Variants in TTLL7 observed in about 807,000 individuals in gnomAD.
TTLL7 encodes the protein tubulin tyrosine ligase like 7, also known as tubulin polyglutamylase TTLL7.
In TTLL7, 53 loss-of-function variants were observed where a neutral mutation model predicts 120.2. The observed-to-expected ratio is 0.44, with a 90% CI of 0.35 to 0.55. The LOEUF is 0.55. Among genes scored for constraint, TTLL7 ranks in the 20% least tolerant of loss-of-function variants. The pLI, the probability that TTLL7 is intolerant of heterozygous loss-of-function variation, is 0.00. For missense variants in TTLL7, 803 were observed against 1,054.7 expected (o/e 0.76, Z 3.31); for synonymous variants, 353 against 351.7 (o/e 1.00, Z -0.04).
chr1:83,945,518 T>C (rs1159943804), intron 6 of TTLL7, among the ~76,000 whole-genome samples: 1 of 152,196 alleles, frequency 6.6e-6, no homozygotes, highest in Non-Finnish European at 1.5e-5. Flanking sequence ...AGTTGGGTTC[T>C]TCAATAGTCC....
Position 83,870,070 on chromosome 1 carries a change from TG to T in TTLL7, c.2555del (p.Pro852GlnfsTer8). 1 of 1,556,812 alleles carries T rather than the reference TG, an allele frequency of 6.4e-7. No individual in the cohort carries two copies. Among genetic ancestry groups the T allele is most frequent in the Non-Finnish European group, 8.6e-7 (1 of 1,160,332 alleles). On this transcript the variant is annotated frameshift_variant, in exon 21 of 21. Coordinates refer to ENST00000260505, the MANE Select transcript of TTLL7 (RefSeq NM_024686.6). LOFTEE classifies it high-confidence loss of function. ...TTCTCAAGAAGAATTGGGTGCTCCC[TG>T]GTAGTAAATACCTAAAAATGATGGT... ...PDWGNSRYLL[P>X]GSTQFFLRTP...
At chr1:83,935,082 T>C (rs1557679615) in intron 8 of TTLL7, among the ~76,000 whole-genome samples, 1 of 152,148 alleles carries the variant, frequency 6.6e-6, no homozygotes, top group Non-Finnish European at 1.5e-5. Context: ...CAGTTTATAT[T>C]TGGGAATAAG....
intron 1 of TTLL7, among the ~76,000 whole-genome samples, chr1:83,986,384 T>C (rs1445952809): frequency 6.6e-6 from 1 of 152,194 alleles, no homozygotes; most frequent in Non-Finnish European, 1.5e-5. Flanking sequence ...TCCATATCAA[T>C]TGATACTAAA....
intron 1 of TTLL7, among the ~76,000 whole-genome samples, chr1:83,988,351 T>C (rs918529491): frequency 2.6e-5 from 4 of 152,246 alleles, no homozygotes. Context: ...ATTATACAAG[T>C]ACATGTATCT....
chr1:83,951,811 T>C (rs1241560637), intron 3 of TTLL7, 34 bp downstream of exon 3: 6 of 1,579,230 alleles, frequency 3.8e-6, no homozygotes, highest in Non-Finnish European at 5.1e-6. Flanking sequence ...CCAGCAATTA[T>C]GAGAATCCCA....
At chr1:83,871,774 G>A (rs549033557) in intron 20 of TTLL7, among the ~76,000 whole-genome samples, 2 of 151,902 alleles carry the variant, frequency 1.3e-5, no homozygotes, top group African/African-American at 4.8e-5. Flanking sequence ...GCGAGTGCCT[G>A]TAGTCCCAGC....
intron 19 of TTLL7, chr1:83,889,923 A>G (rs2100724604): frequency 2.2e-6 from 1 of 458,244 alleles, no homozygotes; most frequent in Non-Finnish European, 4.4e-6. Flanking sequence ...TTTCCGAATA[A>G]AAGGACATGG....
Position 83,921,106 on chromosome 1 carries a change from G to C in TTLL7, c.1345C>G (p.Arg449Gly). 6.2e-7 allele frequency: 1 copy of C among 1,612,626 alleles called. No individual in the cohort carries two copies. Among genetic ancestry groups the C allele is most frequent in the South Asian group, 1.1e-5 (1 of 90,716 alleles). ...KQISREEHEN[R>G]HMGNYRRIYP... ...AGTTACCTATAATTCCCCATATGTC[G>C]ATTTTCATGTTCTTCTCGTGAGATC... The change falls in exon 12 of 21, where the codon CGA becomes GGA. Residue 449 changes from arginine (R) to glycine (G), a missense_variant. This residue lies in a region of TTLL7 where 324 missense variants were observed against 507.7 expected (regional missense o/e 0.64). Transcript: ENST00000260505.
rs1655354325 is a variant in TTLL7 at position 83,890,257 on chromosome 1, TATCTCTATAACTA to T, written c.2369+51_2369+63del. On this transcript the variant is annotated intron_variant, in intron 19 of 20. Transcript: ENST00000260505. The stretch of plus-strand genomic sequence containing the variant: ...AGATCATTCAAGCATTTTATTAGGA[TATCTCTATAACTA>T]AATAGTAAAATATTAAAAATGACGA... 4 of 1,458,684 alleles carry T rather than the reference TATCTCTATAACTA, an allele frequency of 2.7e-6. No individual in the cohort carries two copies. In the East Asian group the frequency reaches 7.1e-5, roughly 26 times the overall value. 90.4% of individuals were successfully genotyped at this position (1,458,684 alleles called of 1,614,324 possible). A position where few individuals can be genotyped will look rare whatever the true frequency, so the allele number is the denominator to read the frequency against.
chr1:83,874,896 T>C (rs560529274), intron 20 of TTLL7, among the ~76,000 whole-genome samples: 1 of 152,102 alleles, frequency 6.6e-6, no homozygotes, highest in South Asian at 2.1e-4. Context: ...ATAATTTATA[T>C]ATTATGAACA....
intron 8 of TTLL7, among the ~76,000 whole-genome samples, chr1:83,934,466 T>C (rs1647222212): frequency 6.6e-6 from 1 of 152,186 alleles, no homozygotes; most frequent in Non-Finnish European, 1.5e-5. Flanking sequence ...TCTTGAGAGT[T>C]GAGTTTCTTT....
rs140282364 is a variant in TTLL7 at position 83,919,942 on chromosome 1, A to T, written c.1365-108T>A. On this transcript the variant is annotated intron_variant, in intron 12 of 20. Transcript: ENST00000260505. ...TGACCATCTATTCTATACCAGTCAC[A>T]TTGCCAGGTATAAGCATTTCTATAC... 290 of 978,994 alleles carry T rather than the reference A, an allele frequency of 3.0e-4. 2 individuals are homozygous for T. The East Asian group carries it at 6.6e-3, about 22-fold the overall frequency. The allele number at this position is 978,994 out of a possible 1,614,324, so 60.6% of individuals were successfully genotyped here. A position where few individuals can be genotyped will look rare whatever the true frequency, so the allele number is the denominator to read the frequency against.
At chr1:83,996,673 G>A (rs1246997475) in intron 1 of TTLL7, among the ~76,000 whole-genome samples, 2 of 152,136 alleles carry the variant, frequency 1.3e-5, no homozygotes, top group Admixed American at 6.5e-5. Flanking sequence ...AATTTCCCCT[G>A]CTAGACTTTA....
chr1:83,898,591 C>T lies in TTLL7; in HGVS notation c.2208+5488G>A, dbSNP rs193037453. On this transcript the variant is annotated intron_variant, in intron 18 of 20. Transcript: ENST00000260505. Reference sequence around the variant, plus strand: ...TTCACCATATAAAGCATTTTTTCAACGCACTTTGACTCATTATTATATTAG... The same window carrying T: ...TTCACCATATAAAGCATTTTTTCAATGCACTTTGACTCATTATTATATTAG... Among the ~76,000 whole-genome samples, 10 of 151,844 alleles carry T rather than the reference C, an allele frequency of 6.6e-5. 1 individual carries two copies. The South Asian group carries it at 1.2e-3, about 19-fold the overall frequency.
At chr1:83,945,465 C>A (rs1009775321) in intron 6 of TTLL7, among the ~76,000 whole-genome samples, 6 of 152,094 alleles carry the variant, frequency 3.9e-5, no homozygotes, top group Non-Finnish European at 8.8e-5. Flanking sequence ...ATACATGAAG[C>A]AAACACTGGT....
intron 20 of TTLL7, among the ~76,000 whole-genome samples, chr1:83,881,801 C>A (rs1412355524): frequency 1.3e-5 from 2 of 149,102 alleles, no homozygotes; most frequent in Middle Eastern, 3.2e-3. Flanking sequence ...ATGTTTATTG[C>A]GGCACTATTC....
chr1:83,962,412 A>C lies in TTLL7; in HGVS notation c.-176-10025T>G, dbSNP rs1650092365. ...TCTTGCCAATTTTACGGTTTGTATT[A>C]GTTTACTATTTATATTTCCATCTAC... On this transcript the variant is annotated intron_variant, in intron 1 of 20. Coordinates refer to ENST00000260505, the MANE Select transcript of TTLL7 (RefSeq NM_024686.6). 2.0e-5 allele frequency among the ~76,000 whole-genome samples: 3 copies of C among 152,110 alleles called. No individual in the cohort carries two copies. In the South Asian group the frequency reaches 6.2e-4, roughly 31 times the overall value.
intron 14 of TTLL7, among the ~76,000 whole-genome samples, chr1:83,913,977 T>G (rs1657883767): frequency 6.6e-6 from 1 of 152,234 alleles, no homozygotes; most frequent in African/African-American, 2.4e-5. Context: ...ATACAAAGCT[T>G]AGAAACTTCC....
In TTLL7 at chr1:83,869,938, C is replaced by G; in HGVS notation, c.*24G>C. On this transcript the variant is annotated 3_prime_UTR_variant, in exon 21 of 21. Transcript: ENST00000260505. ...AAAAATGAATTGCTGTTATGTATAA[C>G]CAATGGCGATCTTCCCTTCTGTTTC... 2 of 1,594,272 alleles carry G rather than the reference C, an allele frequency of 1.3e-6. No individual in the cohort carries two copies. The highest frequency in any genetic ancestry group is 1.7e-6 in the Non-Finnish European group (2 of 1,174,226).
Sources: gnomAD v4.1 joint callset for allele counts (sites outside exome capture counted in the v4.1 genomes callset) on GRCh38, gnomAD v4.1.1 for gene constraint, gnomAD v4.1.1 regional missense constraint, MANE v1.5 for transcripts, NCBI Gene and HGNC (gene_info 2026-07-23, HGNC 2026-07-21) for gene names.